RBMS1: variants seen among roughly 807,000 people sequenced by gnomAD.
The protein encoded by RBMS1 is RNA binding motif single stranded interacting protein 1, also known as RNA-binding motif, single-stranded-interacting protein 1.
Under a neutral mutation model 62.3 loss-of-function variants are expected in RBMS1, and 17 were observed. That is an observed-to-expected ratio of 0.27 (90% CI 0.19 to 0.41). The LOEUF (loss-of-function observed/expected upper bound fraction) is 0.41, where lower values mean the gene tolerates loss of function less well. Ranked by LOEUF, RBMS1 falls within the 10% of genes least tolerant of loss-of-function variation. The probability of loss-of-function intolerance (pLI) is 1.00; values close to 1 mark genes in which losing one functional copy is unlikely to be tolerated. For synonymous variants in RBMS1, 172 were observed against 170.0 expected, an observed-to-expected ratio of 1.01 and a Z score of -0.09; for missense variants, 334 against 504.5, an observed-to-expected ratio of 0.66 and a Z score of 3.24.
At chr2:160,453,975 C>T (rs1684104134) in intron 1 of RBMS1, among the ~76,000 whole-genome samples, 1 of 152,212 alleles carries the variant, frequency 6.6e-6, no homozygotes, top group Admixed American at 6.5e-5. Flanking sequence ...GTTTCAATGT[C>T]ATCTCCTCTA....
At chr2:160,390,688 C>CAAAAAAA (rs34478081) in intron 1 of RBMS1, among the ~76,000 whole-genome samples, 1 of 60,626 alleles carries the variant, frequency 1.6e-5, no homozygotes. Flanking sequence ...GACCCAGTCT[C>CAAAAAAA]AAAAAAAAAA....
intron 1 of RBMS1, among the ~76,000 whole-genome samples, chr2:160,465,162 C>G (rs1684633674): frequency 6.6e-6 from 1 of 152,212 alleles, no homozygotes; most frequent in Admixed American, 6.5e-5. Context: ...ATTGGCCAAC[C>G]TGTCACCATT....
intron 1 of RBMS1, among the ~76,000 whole-genome samples, chr2:160,421,230 T>C (rs993552742): frequency 6.6e-6 from 1 of 152,098 alleles, no homozygotes; most frequent in African/African-American, 2.4e-5. Context: ...TGTGCCCTGC[T>C]AGTGTGCGGC....
intron 7 of RBMS1, 103 bp from the exon 8 acceptor site, chr2:160,285,147 C>T: frequency 1.8e-6 from 2 of 1,118,386 alleles, no homozygotes; most frequent in Non-Finnish European, 2.7e-6. Context: ...GTCCCAGCTG[C>T]TGGGGAGGCT....
chr2:160,438,605 G>A (rs1683222247), intron 1 of RBMS1, among the ~76,000 whole-genome samples: 1 of 152,194 alleles, frequency 6.6e-6, no homozygotes, highest in Non-Finnish European at 1.5e-5. Context: ...GGATCCCAAG[G>A]CAGAAGAATT....
At chr2:160,411,943 T>C (rs1366270396) in intron 1 of RBMS1, among the ~76,000 whole-genome samples, 3 of 152,246 alleles carry the variant, frequency 2.0e-5, no homozygotes, top group African/African-American at 7.2e-5. Flanking sequence ...CAGATTTAAC[T>C]TTAAAAGGAA....
At chr2:160,470,445 A>G (rs530492762) in intron 1 of RBMS1, among the ~76,000 whole-genome samples, 1 of 152,320 alleles carries the variant, frequency 6.6e-6, no homozygotes, top group South Asian at 2.1e-4. Flanking sequence ...AACAGTGCCC[A>G]TCACATGGTA....
intron 1 of RBMS1, among the ~76,000 whole-genome samples, chr2:160,409,280 TAA>T (rs34622117): frequency 2.8e-4 from 40 of 141,754 alleles, no homozygotes; most frequent in Admixed American, 3.5e-4. Context: ...TTCTTTTCAT[TAA>T]AAAAAAAAAA....
chr2:160,327,100 T>G (rs1690976287), intron 2 of RBMS1, among the ~76,000 whole-genome samples: 2 of 152,208 alleles, frequency 1.3e-5, no homozygotes, highest in South Asian at 4.1e-4. Context: ...GAAGACTGAA[T>G]TACAGAAGCA....
chr2:160,399,588 C>T (rs1330310466), intron 1 of RBMS1, among the ~76,000 whole-genome samples: 1 of 152,040 alleles, frequency 6.6e-6, no homozygotes, highest in Non-Finnish European at 1.5e-5. Context: ...TGTTTCTGAG[C>T]CCCTCTTAAA....
At chr2:160,390,936 C>T (rs1258977209) in intron 1 of RBMS1, among the ~76,000 whole-genome samples, 3 of 151,632 alleles carry the variant, frequency 2.0e-5, no homozygotes, top group African/African-American at 4.9e-5. Context: ...TACAACAGAG[C>T]CACCAATATA....
chr2:160,435,421 T>G (rs956174334), intron 1 of RBMS1, among the ~76,000 whole-genome samples: 5 of 152,340 alleles, frequency 3.3e-5, no homozygotes, highest in Non-Finnish European at 7.4e-5. Flanking sequence ...GTTAAGTGAT[T>G]TGCCAAAGGT....
intron 1 of RBMS1, among the ~76,000 whole-genome samples, chr2:160,389,451 A>G (rs979022387): frequency 2.0e-5 from 3 of 152,172 alleles, no homozygotes; most frequent in Admixed American, 2.0e-4. Context: ...TAATGCCAGC[A>G]CTTCGGGAGG....
At position 160,408,025 on chromosome 2, in the gene RBMS1, C is replaced by G. The variant is rs1000610508; in HGVS notation, c.76-40634G>C. ...GCCTGCCGCCCCATCGCCCGCCCGG[C>G]CCCCGCGCTCTCCCTCCCGGGATCG... is the stretch of plus-strand genomic sequence containing the variant. On this transcript the variant is annotated intron_variant, in intron 1 of 13. Transcript: ENST00000348849. The G allele has an allele frequency of 1.2e-5, 8 of 675,690 alleles. No homozygotes were observed. The African/African-American group carries it at 1.4e-4, about 12-fold the overall frequency. The allele number at this position is 675,690 out of a possible 1,614,324, so 41.9% of individuals were successfully genotyped here. A position where few individuals can be genotyped will look rare whatever the true frequency, so the allele number is the denominator to read the frequency against.
At chr2:160,347,923 T>C (rs1692275765) in intron 2 of RBMS1, among the ~76,000 whole-genome samples, 1 of 152,016 alleles carries the variant, frequency 6.6e-6, no homozygotes. Context: ...TCAGAGTCCA[T>C]GATTGAGAAA....
intron 2 of RBMS1, among the ~76,000 whole-genome samples, chr2:160,325,993 T>C (rs544387812): frequency 6.6e-6 from 1 of 152,294 alleles, no homozygotes; most frequent in East Asian, 1.9e-4. Flanking sequence ...ACTCTTACAT[T>C]AGATAGCTGC....
intron 1 of RBMS1, chr2:160,407,846 G>C (rs1158511852): frequency 2.0e-6 from 2 of 981,250 alleles, no homozygotes; most frequent in Non-Finnish European, 2.4e-6. Context: ...CTCTCCCGGC[G>C]GCAGCGGAGG....
intron 1 of RBMS1, among the ~76,000 whole-genome samples, chr2:160,485,070 A>G (rs1685542851): frequency 6.6e-6 from 1 of 152,222 alleles, no homozygotes; most frequent in South Asian, 2.1e-4. Context: ...TAAGCTCAGC[A>G]TGAGAAGCAG....
In RBMS1 at chr2:160,419,102, G is replaced by C. The variant is rs77459896; in HGVS notation, c.76-51711C>G. Among the ~76,000 whole-genome samples, 5 of 152,236 alleles carry C rather than the reference G, an allele frequency of 3.3e-5. No homozygotes were observed. The East Asian group carries it at 9.6e-4, about 29-fold the overall frequency. On this transcript the variant is annotated intron_variant, in intron 1 of 13. Transcript: ENST00000348849. The stretch of plus-strand genomic sequence containing the variant: ...GAGATAATTAATCACGGTTAATTCA[G>C]TGATAAATTTTACATTCTAATTTAC...
Sources: allele counts gnomAD v4.1 joint callset (sites outside exome capture counted in the v4.1 genomes callset), GRCh38; gene constraint gnomAD v4.1.1; transcripts MANE v1.5; gene names NCBI Gene and HGNC (gene_info 2026-07-23, HGNC 2026-07-21).